RAF1: variants seen among roughly 807,000 people sequenced by gnomAD.
RAF1 encodes Raf-1 proto-oncogene, serine/threonine kinase.
Under a neutral mutation model 81.1 loss-of-function variants are expected in RAF1, and 27 were observed. The ratio of observed to expected loss-of-function variants is 0.33; its 90% confidence interval spans 0.25 to 0.46. The LOEUF (loss-of-function observed/expected upper bound fraction) is 0.46. Ranked by LOEUF, RAF1 falls within the 20% of genes least tolerant of loss-of-function variation. The probability of loss-of-function intolerance (pLI) is 1.00; values close to 1 mark genes in which losing one functional copy is unlikely to be tolerated. For missense variants in RAF1, 598 were observed against 826.0 expected (o/e 0.72, Z 3.38); for synonymous variants, 298 against 294.0 (o/e 1.01, Z -0.14).
In RAF1 at chr3:12,612,741, A is replaced by G. The variant is rs186629439; in HGVS notation, c.208-679T>C. On this transcript the variant is annotated intron_variant, in intron 2 of 17. Transcript: ENST00000442415. ...CTGTTCACATCAAGAGACAGTTAAG[A>G]AAGTGGTTAGAAAGTGGTTAAGAAA... Among the ~76,000 whole-genome samples the G allele has an allele frequency of 1.5e-3, 228 of 152,306 alleles. 3 individuals are homozygous for G. The highest frequency in any genetic ancestry group is 0.015 in the Admixed American group (225 of 15,298).
At chr3:12,644,750 G>A (rs2060293123) in intron 1 of RAF1, among the ~76,000 whole-genome samples, 1 of 152,026 alleles carries the variant, frequency 6.6e-6, no homozygotes, top group South Asian at 2.1e-4. Flanking sequence ...ATTATAATCA[G>A]GCACTTTGAA....
chr3:12,651,746 A>C lies in RAF1; in HGVS notation c.-27+12067T>G, dbSNP rs1003566410. Among the ~76,000 whole-genome samples the C allele has an allele frequency of 4.6e-5, 7 of 152,058 alleles. No individual in the cohort carries two copies. In the East Asian group the frequency reaches 1.2e-3, roughly 25 times the overall value. ...AAATATGAGCTGGGCACGATGGCTC[A>C]TGCCTGTAATCTCAGCATTTTGGGA... On this transcript the variant is annotated intron_variant, in intron 1 of 17. Coordinates refer to ENST00000442415, the MANE Select transcript of RAF1 (RefSeq NM_001354689.3).
chr3:12,640,446 A>G (rs1175639279), intron 1 of RAF1, among the ~76,000 whole-genome samples: 1 of 152,128 alleles, frequency 6.6e-6, no homozygotes, highest in Non-Finnish European at 1.5e-5. Context: ...ACAGAATGGG[A>G]GAAAATTTTT....
In RAF1 at chr3:12,600,375, T is replaced by A; in HGVS notation, c.922+13A>T. ...AGCCCATTATTGTTGGCTAAATGAC[T>A]ATGGAAAAGTACCTGATTCGCTGTG... On this transcript the variant is annotated intron_variant, in intron 9 of 17. Transcript: ENST00000442415. The A allele has an allele frequency of 6.2e-7, 1 of 1,614,104 alleles. No individual in the cohort carries two copies. The highest frequency in any genetic ancestry group is 8.5e-7 in the Non-Finnish European group (1 of 1,180,006).
chr3:12,599,525 G>A (rs1162455356), intron 11 of RAF1, among the ~76,000 whole-genome samples, 166 bp downstream of exon 10: 1 of 152,182 alleles, frequency 6.6e-6, no homozygotes, highest in Non-Finnish European at 1.5e-5. Context: ...TAAGAACTTA[G>A]TCTAAAAAGA....
chr3:12,620,412 G>T (rs2059521359), intron 1 of RAF1, among the ~76,000 whole-genome samples: 1 of 152,174 alleles, frequency 6.6e-6, no homozygotes, highest in Admixed American at 6.5e-5. Flanking sequence ...TGGGATTACA[G>T]GCATGAGCCA....
intron 1 of RAF1, among the ~76,000 whole-genome samples, chr3:12,626,671 A>T (rs955074518): frequency 6.6e-6 from 1 of 152,060 alleles, no homozygotes; most frequent in African/African-American, 2.4e-5. Context: ...GTTTATATGG[A>T]AACTAATTGT....
chr3:12,585,874 T>C, intron 14 of RAF1, 75 bp from the exon 14 acceptor site: 1 of 1,006,898 alleles, frequency 9.9e-7, no homozygotes, highest in Non-Finnish European at 1.6e-6. Flanking sequence ...AAGTTCTTTA[T>C]AACACGGTAA....
rs1056770993 is a variant in RAF1 at position 12,664,102 on chromosome 3, C to T, written c.-316G>A. The T allele has an allele frequency of 1.5e-5, 6 of 398,268 alleles. No individual in the cohort carries two copies. Among genetic ancestry groups the T allele is most frequent in the African/African-American group, 1.2e-4 (6 of 48,630 alleles). The allele number at this position is 398,268 out of a possible 1,614,324, so 24.7% of individuals were successfully genotyped here. On this transcript the variant is annotated 5_prime_UTR_variant, in exon 1 of 18. Coordinates refer to ENST00000442415, the MANE Select transcript of RAF1 (RefSeq NM_001354689.3). The stretch of plus-strand genomic sequence containing the variant: ...TACTCCCGCCATCTAAGATGGCGGC[C>T]CAAGCGCCCGCGATTAAGACTCTCG...
rs59472802 is a variant in RAF1 at position 12,598,725 on chromosome 3, C to CAAAAAAAAAAAAA, written c.1168+953_1168+965dup. Among the ~76,000 whole-genome samples, 239 of 61,976 alleles carry CAAAAAAAAAAAAA rather than the reference C, an allele frequency of 3.9e-3. 5 individuals are homozygous for CAAAAAAAAAAAAA. Among genetic ancestry groups the CAAAAAAAAAAAAA allele is most frequent in the Middle Eastern group, 0.022 (2 of 92 alleles). 40.7% of individuals were successfully genotyped at this position (61,976 alleles called of 152,430 possible). A position where few individuals can be genotyped will look rare whatever the true frequency, so the allele number is the denominator to read the frequency against. ...TGGGCAACAGAGCAAGAATCTATCTCAAAAAAAAAAAAAAAAAAAAAAAAA... is the reference window on the plus strand; with the variant it reads ...TGGGCAACAGAGCAAGAATCTATCTCAAAAAAAAAAAAAAAAAAAAAAAAAAAAAAAAAAAAAA... On this transcript the variant is annotated intron_variant, in intron 11 of 17. Transcript: ENST00000442415.
In RAF1 at chr3:12,599,746, C is replaced by A. The variant is rs773837578; in HGVS notation, c.1113G>T (p.Leu371=). 6.2e-7 allele frequency: 1 copy of A among 1,614,166 alleles called. No individual in the cohort carries two copies. The highest frequency in any genetic ancestry group is 1.7e-5 in the Admixed American group (1 of 60,020). The change falls in exon 11 of 18, where the codon CTG becomes CTT. Residue 371 remains leucine (L), a synonymous_variant. Transcript: ENST00000442415. Reference sequence around the variant, plus strand: ...AAGAGCCTGACCCAATCCGAGTGGACAGCATCACTTCACTGGCTTCTATTT... The same window carrying A: ...AAGAGCCTGACCCAATCCGAGTGGAAAGCATCACTTCACTGGCTTCTATTT...
chr3:12,656,239 C>G (rs1276645252), intron 1 of RAF1, among the ~76,000 whole-genome samples: 1 of 151,536 alleles, frequency 6.6e-6, no homozygotes, highest in Non-Finnish European at 1.5e-5. Flanking sequence ...CATTTATCCC[C>G]CCATTCTCTC....
chr3:12,605,403 A>C (rs961287678), intron 6 of RAF1, among the ~76,000 whole-genome samples: 1 of 151,916 alleles, frequency 6.6e-6, no homozygotes, highest in Non-Finnish European at 1.5e-5. Context: ...CAGCCTCCCA[A>C]GTACCTGGGC....
chr3:12,642,600 G>C (rs1163922048), intron 1 of RAF1, among the ~76,000 whole-genome samples: 4 of 148,810 alleles, frequency 2.7e-5, no homozygotes, highest in African/African-American at 9.9e-5. Flanking sequence ...GTTTCTCAAT[G>C]AATAAAAACA....
chr3:12,642,888 GAA>G (rs566413884), intron 1 of RAF1, among the ~76,000 whole-genome samples: 1 of 130,876 alleles, frequency 7.6e-6, no homozygotes, highest in Non-Finnish European at 1.6e-5. Flanking sequence ...CTCTGTCTCA[GAA>G]AAAAAAAAAA....
intron 2 of RAF1, 122 bp from the exon 3 acceptor site, chr3:12,612,184 G>A (rs924104617): frequency 2.6e-5 from 19 of 743,728 alleles, no homozygotes; most frequent in South Asian, 1.1e-4. Context: ...ACACATATAC[G>A]AAACAACCTG....
intron 1 of RAF1, among the ~76,000 whole-genome samples, chr3:12,624,256 G>A (rs1215592774): frequency 1.3e-5 from 2 of 152,144 alleles, no homozygotes; most frequent in African/African-American, 2.4e-5. Context: ...CCTACAAGTT[G>A]TCTCAGGGAA....
At chr3:12,663,187 C>T (rs1036366730) in intron 1 of RAF1, among the ~76,000 whole-genome samples, 5 of 152,196 alleles carry the variant, frequency 3.3e-5, no homozygotes, top group Non-Finnish European at 5.9e-5. Context: ...CGGCGGCTCT[C>T]GCGTCACACA....
intron 1 of RAF1, among the ~76,000 whole-genome samples, chr3:12,651,510 C>T (rs971071505): frequency 6.6e-6 from 1 of 151,438 alleles, no homozygotes; most frequent in African/African-American, 2.4e-5. Context: ...GGCTCATGCC[C>T]ATAGTCCCAG....
Sources: allele counts gnomAD v4.1 joint callset (sites outside exome capture counted in the v4.1 genomes callset), GRCh38; gene constraint gnomAD v4.1.1; transcripts MANE v1.5; gene names NCBI Gene and HGNC (gene_info 2026-07-23, HGNC 2026-07-21).